ARHGAP9: variants seen among roughly 807,000 people sequenced by gnomAD.
The protein encoded by ARHGAP9 is rho GTPase-activating protein 9.
ARHGAP9 carries 76 observed loss-of-function variants against 87.3 expected under a neutral mutation model. The observed-to-expected ratio is 0.87, with a 90% confidence interval of 0.72 to 1.05. The LOEUF (loss-of-function observed/expected upper bound fraction) is 1.05. ARHGAP9 is among the 50% of genes least tolerant of loss of function. The pLI, the probability that ARHGAP9 is intolerant of heterozygous loss-of-function variation, is 0.00. For missense variants in ARHGAP9, 941 were observed against 960.5 expected (o/e 0.98, Z 0.27); for synonymous variants, 382 against 394.9 (o/e 0.97, Z 0.39).
At chr12:57,482,052 A>G (rs571176214), upstream of ARHGAP9, among the ~76,000 whole-genome samples, 176 of 152,320 alleles carry the variant, frequency 1.2e-3, 1 homozygote, top group Non-Finnish European at 2.1e-3. Flanking sequence ...CTCAGTATGA[A>G]CCAAACTGAA....
At chr12:57,476,821 G>A (rs748885872) in intron 6 of ARHGAP9, 50 bp downstream of exon 6, 59 of 1,507,502 alleles carry the variant, frequency 3.9e-5, no homozygotes, top group Middle Eastern at 1.9e-4. Flanking sequence ...GAAAAGGGGG[G>A]AGGGGGGGCA....
At chr12:57,487,990 G>A in intron 1 of ARHGAP9, 1 of 905,904 alleles carries the variant, frequency 1.1e-6, no homozygotes, top group East Asian at 2.4e-5. Context: ...CAGGGCAGTG[G>A]CCTAATACGG....
chr12:57,485,556 G>GAA (rs71084757), intron 1 of ARHGAP9, among the ~76,000 whole-genome samples: 23,755 of 131,914 alleles, frequency 0.18, 2,438 homozygotes, highest in East Asian at 0.33. Context: ...GACTCCATCT[G>GAA]AAAAAAAAAA....
At chr12:57,473,977 C>G (rs1037854769) in intron 16 of ARHGAP9, 65 bp downstream of exon 16, 13 of 1,536,160 alleles carry the variant, frequency 8.5e-6, no homozygotes, top group East Asian at 7.0e-5. Context: ...AAGGGAACCT[C>G]TATTCTATTA....
upstream of ARHGAP9, among the ~76,000 whole-genome samples, chr12:57,482,970 G>A (rs1318082716): frequency 6.6e-6 from 1 of 151,252 alleles, no homozygotes; most frequent in Non-Finnish European, 1.5e-5. Flanking sequence ...ATGGCGGCAG[G>A]TGTCTGTACT....
rs376622753 is a variant in ARHGAP9 at position 57,474,644 on chromosome 12, G to A, written c.1711C>T (p.Arg571Cys). 6.2e-6 allele frequency: 10 copies of A among 1,614,042 alleles called. No individual in the cohort carries two copies. Among genetic ancestry groups the A allele is most frequent in the East Asian group, 2.2e-5 (1 of 44,884 alleles). The change falls in exon 14 of 18, where the codon CGC (arginine) becomes TGC (cysteine). Residue 571 changes from arginine (R) to cysteine (C), a missense_variant. Physicochemically the swap from Arg to Cys is radical, Grantham distance 180. Coordinates refer to ENST00000393791, the MANE Select transcript of ARHGAP9 (RefSeq NM_032496.4). ...TTCTCACCTCTGTCCACCAGAAAGC[G>A]AAGCTTCTGGACCACTGCCAAGTTC... ...SGNLAVVQKL[R>C]FLVDRERAVT...
chr12:57,477,815 A>G, intron 3 of ARHGAP9, 135 bp from the exon 4 acceptor site: 2 of 1,509,988 alleles, frequency 1.3e-6, no homozygotes, highest in Admixed American at 2.2e-5. Flanking sequence ...GACCCAGGGT[A>G]CTGGGGGAGA....
rs754049765 is a variant in ARHGAP9, at chr12:57,475,369, G to A, written c.1474C>T (p.Arg492Cys). Residue 492 changes from arginine (R) to cysteine (C), a missense_variant, in exon 12 of 18, where the codon CGC (arginine) becomes TGC (cysteine). Physicochemically the swap from Arg to Cys is radical, Grantham distance 180. Transcript: ENST00000393791. ...AGCCGCTTTAGTTTGTTGCGCACGC[G>A]GTTCTGCTCGGTGCCTTCGGGCCCC... Reference protein sequence around the residue: ...IRGPEGTEQNRVRNKLKRLIA... With the variant: ...IRGPEGTEQNCVRNKLKRLIA... 1.9e-6 allele frequency: 3 copies of A among 1,599,854 alleles called. No individual in the cohort carries two copies. The highest frequency in any genetic ancestry group is 1.7e-6 in the Non-Finnish European group (2 of 1,173,236).
At chr12:57,472,774 G>T in intron 17 of ARHGAP9, 86 bp from the exon 18 acceptor site, 1 of 1,433,496 alleles carries the variant, frequency 7.0e-7, no homozygotes, top group Non-Finnish European at 9.7e-7. Flanking sequence ...GTTCTGAGCA[G>T]GGAAGAGTTC....
At chr12:57,476,476 G>C in intron 7 of ARHGAP9, 22 bp from the exon 8 acceptor site, 1 of 1,613,756 alleles carries the variant, frequency 6.2e-7, no homozygotes, top group East Asian at 2.2e-5. Flanking sequence ...GAGAGGGGAG[G>C]TAGTGGTAGC....
chr12:57,472,756 C>G (rs1360442522), intron 17 of ARHGAP9, 68 bp from the exon 18 acceptor site: 2 of 1,536,718 alleles, frequency 1.3e-6, no homozygotes, highest in Non-Finnish European at 1.8e-6. Flanking sequence ...TCTAACTAAC[C>G]CTTCAAAGTT....
intron 1 of ARHGAP9, chr12:57,488,062 G>T (rs758402510): frequency 4.8e-5 from 76 of 1,597,188 alleles, no homozygotes; most frequent in Middle Eastern, 3.3e-4. Context: ...GGCCGGTTCC[G>T]GTTGCATCAG....
rs764303899 is a variant in ARHGAP9, at chr12:57,478,702, C to T, written c.372G>A (p.Arg124=). ...GAGGCTGCTCCGAGCTAGCCTGAGC[C>T]CTGCTTGGGAGGGCCTGAGACAACT... ...LEELSQALPS[R]AQASSEQPPP... Residue 124 remains arginine, a synonymous_variant, in exon 3 of 18, where the codon AGG becomes AGA. Coordinates refer to ENST00000393791, the MANE Select transcript of ARHGAP9 (RefSeq NM_032496.4). 6.2e-7 allele frequency: 1 copy of T among 1,614,012 alleles called. No individual in the cohort carries two copies. The highest frequency in any genetic ancestry group is 1.1e-5 in the South Asian group (1 of 91,080).
In ARHGAP9 at chr12:57,476,903, G is replaced by C; in HGVS notation, c.931C>G (p.Arg311Gly). Reference sequence around the variant, plus strand: ...TCGTCCAGGAGCTGCGGCAGAGGTCGAGGGGCCTGCAAGGCTGGAGGGTCA... The same window carrying C: ...TCGTCCAGGAGCTGCGGCAGAGGTCCAGGGGCCTGCAAGGCTGGAGGGTCA... ...QLDPPALQAP[R>G]PLPQLLDDPH... Residue 311 changes from arginine to glycine, a missense_variant, in exon 6 of 18, where the codon CGA becomes GGA. Arg to Gly is a moderately radical substitution (Grantham distance 125). Transcript: ENST00000393791. The C allele has an allele frequency of 1.2e-6, 2 of 1,613,994 alleles. No homozygotes were observed. Among genetic ancestry groups the C allele is most frequent in the Non-Finnish European group, 8.5e-7 (1 of 1,179,966 alleles).
upstream of ARHGAP9, among the ~76,000 whole-genome samples, chr12:57,484,754 C>T (rs1402851954): frequency 1.3e-5 from 2 of 152,152 alleles, no homozygotes; most frequent in Non-Finnish European, 2.9e-5. Context: ...AAGCAATTCT[C>T]CTGCCTCAGC....
At chr12:57,480,220 C>T (rs1245558895), upstream of ARHGAP9, 1 of 751,940 alleles carries the variant, frequency 1.3e-6, no homozygotes, top group Non-Finnish European at 1.6e-6. Flanking sequence ...TCGTTCTTGT[C>T]CCCCAGGCTG....
rs1455227813 is a variant in ARHGAP9 at position 57,478,389 on chromosome 12, A to T, written c.534+151T>A. The T allele has an allele frequency of 3.8e-6, 3 of 784,064 alleles. No individual in the cohort carries two copies. In the African/African-American group the frequency reaches 5.2e-5, roughly 14 times the overall value. 48.6% of individuals were successfully genotyped at this position (784,064 alleles called of 1,614,324 possible). ...CACCACCTCAGCCACTCTCCACCACATTAACTTGCCTTTAGACTTATCAGT... is the reference window on the plus strand; with the variant it reads ...CACCACCTCAGCCACTCTCCACCACTTTAACTTGCCTTTAGACTTATCAGT... On this transcript the variant is annotated intron_variant, in intron 3 of 17. Transcript: ENST00000393791.
exon 1 of ARHGAP9, chr12:57,488,666 GTCT>G (rs1875665646): frequency 6.5e-7 from 1 of 1,548,784 alleles, no homozygotes; most frequent in Non-Finnish European, 8.7e-7. Flanking sequence ...TCTCTTGTAA[GTCT>G]TCTCAGTTCT....
At position 57,478,472 on chromosome 12, in the gene ARHGAP9, C is replaced by G. The variant is rs554059432; in HGVS notation, c.534+68G>C. On this transcript the variant is annotated intron_variant, in intron 3 of 17. Transcript: ENST00000393791. ...GTGTTTGTCATCCCCAGGGGAGTCC[C>G]CTGAAGACAGAGGTGCTGTCTGTCC... The G allele has an allele frequency of 2.7e-4, 401 of 1,500,918 alleles. 2 individuals carry two copies. The highest frequency in any genetic ancestry group is 5.0e-4 in the East Asian group (22 of 44,260). 93.0% of individuals were successfully genotyped at this position (1,500,918 alleles called of 1,614,324 possible).
Sources: gnomAD v4.1 joint callset for allele counts (sites outside exome capture counted in the v4.1 genomes callset) on GRCh38, gnomAD v4.1.1 for gene constraint, MANE v1.5 for transcripts, NCBI Gene and HGNC (gene_info 2026-07-23, HGNC 2026-07-21) for gene names.